VPS45: variants seen among roughly 807,000 people sequenced by gnomAD.
VPS45 encodes the protein vacuolar protein sorting-associated protein 45.
A neutral mutation model predicts 75.9 loss-of-function variants in VPS45; 35 were observed. The ratio of observed to expected loss-of-function variants is 0.46; its 90% confidence interval spans 0.35 to 0.61. The LOEUF (loss-of-function observed/expected upper bound fraction) is 0.61, where lower values mean the gene tolerates loss of function less well. Ranked by LOEUF, VPS45 falls within the 20% of genes least tolerant of loss-of-function variation. The pLI, the probability that VPS45 is intolerant of heterozygous loss-of-function variation, is 0.00. For missense variants in VPS45, 559 were observed against 685.9 expected, an observed-to-expected ratio of 0.81 and a Z score of 2.07; for synonymous variants, 220 against 238.2, an observed-to-expected ratio of 0.92 and a Z score of 0.70.
In VPS45 at chr1:150,074,008, T is replaced by TGTG. The variant is rs1443229155; in HGVS notation, c.289+1782_289+1783insGTG. Among the ~76,000 whole-genome samples, 28 of 1,890 alleles carry TGTG rather than the reference T, an allele frequency of 0.015. No homozygotes were observed. In the East Asian group the frequency reaches 0.31, roughly 21 times the overall value. The allele number at this position is 1,890 out of a possible 152,430, so 1.2% of individuals were successfully genotyped here. A position where few individuals can be genotyped will look rare whatever the true frequency, so the allele number is the denominator to read the frequency against. On this transcript the variant is annotated intron_variant, in intron 3 of 14. Transcript: ENST00000644510. ...AGGCTGTTCTGTGTGTGTGTGTGTGTTGTTTTTGTTTTTTTTTTTTGTCCG... is the reference window on the plus strand; with the variant it reads ...AGGCTGTTCTGTGTGTGTGTGTGTGTGTGTGTTTTTGTTTTTTTTTTTTGTCCG...
At chr1:150,075,521 G>T (rs1655327313) in intron 3 of VPS45, among the ~76,000 whole-genome samples, 1 of 152,096 alleles carries the variant, frequency 6.6e-6, no homozygotes, top group South Asian at 2.1e-4. Flanking sequence ...AGCTGCTGAT[G>T]CTCAATGCCT....
intron 14 of VPS45, among the ~76,000 whole-genome samples, chr1:150,115,345 T>C (rs1405140584): frequency 6.6e-6 from 1 of 152,232 alleles, no homozygotes; most frequent in Non-Finnish European, 1.5e-5. Flanking sequence ...TCCACTAATA[T>C]TATATTTTTA....
chr1:150,101,216 C>T (rs147743266), intron 13 of VPS45, among the ~76,000 whole-genome samples: 2,812 of 146,592 alleles, frequency 0.019, 57 homozygotes, highest in Middle Eastern at 0.055. Flanking sequence ...TGCTGTGAGC[C>T]GAGATTGTGC....
At chr1:150,093,719 A>G in intron 13 of VPS45, 71 bp downstream of exon 13, 2 of 1,555,798 alleles carry the variant, frequency 1.3e-6, no homozygotes, top group South Asian at 2.4e-5. Flanking sequence ...AGTAATGTTA[A>G]GGACTAAAGC....
rs199883508 is a variant in VPS45, at chr1:150,085,890, A to T, written c.1104+3007A>T. Among the ~76,000 whole-genome samples, 9 of 152,082 alleles carry T rather than the reference A, an allele frequency of 5.9e-5. No homozygotes were observed. The East Asian group carries it at 1.5e-3, about 26-fold the overall frequency. On this transcript the variant is annotated intron_variant, in intron 10 of 14. Transcript: ENST00000644510. ...AAACATATACATATCCTCAGAAGAG[A>T]TTTATTAATTAGTAATGAAGATTTG...
chr1:150,077,818 T>A, intron 7 of VPS45, 39 bp downstream of exon 7: 1 of 1,469,500 alleles, frequency 6.8e-7, no homozygotes, highest in Non-Finnish European at 9.5e-7. Context: ...AGGATAATTT[T>A]AAGTGATATT....
intron 14 of VPS45, among the ~76,000 whole-genome samples, chr1:150,132,491 A>G (rs1658885478): frequency 6.6e-6 from 1 of 152,228 alleles, no homozygotes; most frequent in African/African-American, 2.4e-5. Context: ...TTTAAATAAT[A>G]AAGTGTCCAG....
intron 14 of VPS45, among the ~76,000 whole-genome samples, chr1:150,126,548 TG>T (rs1559939869): frequency 6.6e-6 from 1 of 152,118 alleles, no homozygotes; most frequent in Admixed American, 6.5e-5. Context: ...GCTCAAGTGA[TG>T]GAAATGTTCT....
intron 13 of VPS45, chr1:150,110,281 C>G: frequency 4.4e-6 from 2 of 454,068 alleles, no homozygotes; most frequent in Non-Finnish European, 7.9e-6. Context: ...GACATCCGCT[C>G]ATAAACAGAA....
intron 14 of VPS45, among the ~76,000 whole-genome samples, chr1:150,143,625 G>A: frequency 6.6e-6 from 1 of 151,606 alleles, no homozygotes; most frequent in Non-Finnish European, 1.5e-5. Context: ...AGAAAGAATA[G>A]TCAAACATAG....
intron 14 of VPS45, among the ~76,000 whole-genome samples, chr1:150,143,406 A>G (rs1373558716): frequency 6.6e-6 from 1 of 152,076 alleles, no homozygotes; most frequent in Non-Finnish European, 1.5e-5. Flanking sequence ...CCTGGCCAAC[A>G]TGGTGAAACC....
Position 150,093,545 on chromosome 1 carries a change from A to G in VPS45, c.1390A>G (p.Thr464Ala), listed in dbSNP as rs1553802452. Residue 464 changes from threonine to alanine, a missense_variant, in exon 13 of 15, where the codon ACA (threonine) becomes GCA (alanine). Physicochemically the swap from Thr to Ala is moderately conservative, Grantham distance 58. Coordinates refer to ENST00000644510, the MANE Select transcript of VPS45 (RefSeq NM_007259.5). ...GTTTTAGGGAGTAGAAAATGTATATACACAGCATCAACCTTTCCTACATGA... is the reference window on the plus strand; with the variant it reads ...GTTTTAGGGAGTAGAAAATGTATATGCACAGCATCAACCTTTCCTACATGA... ...KGLKGVENVY[T>A]QHQPFLHETL... is the part of the protein sequence containing the mutation. The G allele has an allele frequency of 3.1e-6, 5 of 1,613,904 alleles. No individual in the cohort carries two copies. The highest frequency in any genetic ancestry group is 1.7e-5 in the Admixed American group (1 of 59,998).
chr1:150,085,031 C>T (rs967963536), intron 10 of VPS45, among the ~76,000 whole-genome samples: 32 of 152,082 alleles, frequency 2.1e-4, no homozygotes, highest in Non-Finnish European at 4.0e-4. Flanking sequence ...AACCTAAAGT[C>T]GCATTCTTTT....
chr1:150,088,987 C>G (rs1244607078), intron 10 of VPS45, among the ~76,000 whole-genome samples: 2 of 152,154 alleles, frequency 1.3e-5, no homozygotes, highest in Non-Finnish European at 2.9e-5. Flanking sequence ...AATCTTCATA[C>G]TATTTTCCAT....
At chr1:150,127,248 A>C (rs1343033608) in intron 14 of VPS45, among the ~76,000 whole-genome samples, 1 of 152,172 alleles carries the variant, frequency 6.6e-6, no homozygotes, top group Admixed American at 6.5e-5. Context: ...TAATGTGGCC[A>C]CGAGAACATT....
At chr1:150,121,821 T>A (rs1355688233) in intron 14 of VPS45, among the ~76,000 whole-genome samples, 1 of 152,148 alleles carries the variant, frequency 6.6e-6, no homozygotes, top group Non-Finnish European at 1.5e-5. Flanking sequence ...ATCCTAACCC[T>A]TGTGAAGCTT....
At chr1:150,107,003 T>C (rs782208514) in intron 13 of VPS45, among the ~76,000 whole-genome samples, 6 of 152,222 alleles carry the variant, frequency 3.9e-5, no homozygotes, top group Non-Finnish European at 8.8e-5. Context: ...TGAGACTCAG[T>C]TGGGCCTCAA....
At chr1:150,097,928 C>T (rs1423174365) in intron 13 of VPS45, among the ~76,000 whole-genome samples, 6 of 152,260 alleles carry the variant, frequency 3.9e-5, no homozygotes, top group South Asian at 4.1e-4. Context: ...TTTCAGCTCA[C>T]TGCAGCCTCC....
chr1:150,126,215 T>C (rs7536239), intron 14 of VPS45, among the ~76,000 whole-genome samples: 18,820 of 151,938 alleles, frequency 0.12, 1,332 homozygotes, highest in Middle Eastern at 0.23. Flanking sequence ...GTTTTTGTTT[T>C]GTTTTGTTTT....
Sources: gnomAD v4.1 joint callset for allele counts (sites outside exome capture counted in the v4.1 genomes callset) on GRCh38, gnomAD v4.1.1 for gene constraint, MANE v1.5 for transcripts, NCBI Gene and HGNC (gene_info 2026-07-23, HGNC 2026-07-21) for gene names.